The following ZFPM2 variants were observed in gnomAD, a reference collection of about 807,000 sequenced individuals.
The protein encoded by ZFPM2 is zinc finger protein, FOG family member 2.
A neutral mutation model predicts 98.6 loss-of-function variants in ZFPM2; 20 were observed. The ratio of observed to expected loss-of-function variants is 0.20; its 90% CI spans 0.14 to 0.29. The LOEUF is 0.29. Ranked by LOEUF, ZFPM2 falls within the 10% of genes least tolerant of loss-of-function variation. ZFPM2 has a pLI of 1.00. For synonymous variants in ZFPM2, 518 were observed against 502.7 expected, an observed-to-expected ratio of 1.03 and a Z score of -0.41; for missense variants, 1,310 against 1,388.6, an observed-to-expected ratio of 0.94 and a Z score of 0.90.
chr8:105,322,526 A>G (rs1446870658), intron 1 of ZFPM2, among the ~76,000 whole-genome samples: 1 of 150,932 alleles, frequency 6.6e-6, no homozygotes, highest in African/African-American at 2.4e-5. Flanking sequence ...AAAAGGAGAA[A>G]CTCAAGTAAT....
intron 1 of ZFPM2, among the ~76,000 whole-genome samples, chr8:105,383,094 C>T (rs1810919054): frequency 6.6e-6 from 1 of 151,916 alleles, no homozygotes; most frequent in Non-Finnish European, 1.5e-5. Context: ...AAATATCATG[C>T]CTGGGGTTGG....
At chr8:105,612,602 C>A (rs568396924) in intron 4 of ZFPM2, among the ~76,000 whole-genome samples, 1 of 152,226 alleles carries the variant, frequency 6.6e-6, no homozygotes, top group East Asian at 1.9e-4. Flanking sequence ...CTAACATTAA[C>A]AACATAATAA....
chr8:105,646,698 A>C (rs756909879), intron 5 of ZFPM2, among the ~76,000 whole-genome samples: 42 of 151,992 alleles, frequency 2.8e-4, no homozygotes, highest in Admixed American at 2.2e-3. Context: ...TAATACTTTG[A>C]TCTCAGCATG....
At chr8:105,393,358 C>CTT (rs1554600696) in intron 1 of ZFPM2, among the ~76,000 whole-genome samples, 3 of 92,472 alleles carry the variant, frequency 3.2e-5, no homozygotes, top group East Asian at 5.2e-4. Flanking sequence ...TTCTTTCTTT[C>CTT]TTTCTTTCTT....
At chr8:105,516,472 T>G (rs1413947777) in intron 3 of ZFPM2, among the ~76,000 whole-genome samples, 1 of 152,214 alleles carries the variant, frequency 6.6e-6, no homozygotes, top group Non-Finnish European at 1.5e-5. Flanking sequence ...CTTATCTGGA[T>G]ATACTTTTAG....
intron 1 of ZFPM2, among the ~76,000 whole-genome samples, chr8:105,335,503 A>G (rs1468400542): frequency 2.0e-5 from 3 of 151,792 alleles, no homozygotes; most frequent in Non-Finnish European, 4.4e-5. Flanking sequence ...AAAAAAGTTA[A>G]TCTCTTGTGG....
chr8:105,744,539 GA>G (rs2131039589), intron 5 of ZFPM2, among the ~76,000 whole-genome samples: 1 of 152,164 alleles, frequency 6.6e-6, no homozygotes, highest in South Asian at 2.1e-4. Flanking sequence ...ATCACAAACT[GA>G]AAAAGGTCCA....
At chr8:105,460,788 A>C (rs1243414736) in intron 3 of ZFPM2, among the ~76,000 whole-genome samples, 1 of 88,000 alleles carries the variant, frequency 1.1e-5, no homozygotes, top group Non-Finnish European at 2.5e-5. Context: ...ATTATCCTGA[A>C]AAGAAAAAAA....
At chr8:105,723,816 A>G (rs1345486560) in intron 5 of ZFPM2, among the ~76,000 whole-genome samples, 2 of 151,758 alleles carry the variant, frequency 1.3e-5, no homozygotes, top group East Asian at 1.9e-4. Context: ...CTTTCTTACT[A>G]ATAAATGTCC....
intron 5 of ZFPM2, among the ~76,000 whole-genome samples, chr8:105,687,716 G>A (rs1810774255): frequency 1.3e-5 from 2 of 151,964 alleles, no homozygotes; most frequent in African/African-American, 2.4e-5. Flanking sequence ...CAGTAAAACA[G>A]GAGCATCAAA....
intron 4 of ZFPM2, among the ~76,000 whole-genome samples, chr8:105,607,843 C>T (rs1228795556): frequency 6.6e-6 from 1 of 152,018 alleles, no homozygotes; most frequent in Non-Finnish European, 1.5e-5. Flanking sequence ...AATTAAATAT[C>T]CTTACCTGGA....
chr8:105,405,648 ATG>A (rs996109042), intron 1 of ZFPM2, among the ~76,000 whole-genome samples: 88 of 151,960 alleles, frequency 5.8e-4, no homozygotes, highest in African/African-American at 2.1e-3. Flanking sequence ...CATGGTGTAT[ATG>A]TGCCACATTT....
At chr8:105,674,034 T>C (rs1292605288) in intron 5 of ZFPM2, among the ~76,000 whole-genome samples, 1 of 152,222 alleles carries the variant, frequency 6.6e-6, no homozygotes, top group Non-Finnish European at 1.5e-5. Context: ...ATTTTAGTTA[T>C]GCAGTGGTGT....
At chr8:105,371,139 T>G (rs1810614811) in intron 1 of ZFPM2, among the ~76,000 whole-genome samples, 7 of 152,322 alleles carry the variant, frequency 4.6e-5, no homozygotes, top group Middle Eastern at 3.4e-3. Context: ...ATTTAATACT[T>G]TTGTTTTAAT....
At chr8:105,731,803 A>T (rs1811946261) in intron 5 of ZFPM2, among the ~76,000 whole-genome samples, 2 of 151,808 alleles carry the variant, frequency 1.3e-5, no homozygotes, top group Admixed American at 1.3e-4. Context: ...ATGATGACAA[A>T]TCATTTTGAA....
rs544279874 is a variant in ZFPM2, at chr8:105,458,551, C to A, written c.301+14170C>A. Among the ~76,000 whole-genome samples the A allele has an allele frequency of 1.2e-4, 18 of 152,112 alleles. No homozygotes were observed. The South Asian group carries it at 3.7e-3, about 32-fold the overall frequency. On this transcript the variant is annotated intron_variant, in intron 3 of 7. Transcript: ENST00000407775. ...CAACAAATAGACAAATATATTCTAT[C>A]AGGGATGGAGACATGTTGCCACTTA...
chr8:105,407,353 G>A (rs1369020068), intron 1 of ZFPM2, among the ~76,000 whole-genome samples: 1 of 151,770 alleles, frequency 6.6e-6, no homozygotes, highest in African/African-American at 2.4e-5. Flanking sequence ...TGGCAAATCA[G>A]AATTACAACA....
intron 3 of ZFPM2, among the ~76,000 whole-genome samples, chr8:105,475,561 T>TG (rs369433468): frequency 5.3e-5 from 8 of 152,168 alleles, no homozygotes; most frequent in African/African-American, 1.9e-4. Flanking sequence ...AATTTGCAAA[T>TG]GCCAAAAGAT....
chr8:105,474,633 C>A (rs904572246), intron 3 of ZFPM2, among the ~76,000 whole-genome samples: 1 of 152,098 alleles, frequency 6.6e-6, no homozygotes, highest in African/African-American at 2.4e-5. Context: ...AAATTTATAT[C>A]ATTTATCTTC....
Sources: gnomAD v4.1 joint callset for allele counts (sites outside exome capture counted in the v4.1 genomes callset) on GRCh38, gnomAD v4.1.1 for gene constraint, MANE v1.5 for transcripts, NCBI Gene and HGNC (gene_info 2026-07-23, HGNC 2026-07-21) for gene names.